The following IKZF3 variants were observed in gnomAD, a reference collection of about 807,000 sequenced individuals.
IKZF3 encodes IKAROS family zinc finger 3.
In IKZF3, 10 loss-of-function variants were observed where a neutral mutation model predicts 49.0. The ratio of observed to expected loss-of-function variants is 0.20; its 90% CI spans 0.13 to 0.35. The LOEUF (loss-of-function observed/expected upper bound fraction) is 0.35. IKZF3 is among the 10% of genes least tolerant of loss of function. IKZF3 has a pLI of 1.00. For missense variants in IKZF3, 498 were observed against 664.8 expected (o/e 0.75, Z 2.76); for synonymous variants, 209 against 228.2 (o/e 0.92, Z 0.76).
intron 1 of IKZF3, chr17:39,835,064 G>A (rs755979946): frequency 9.5e-6 from 4 of 420,992 alleles, no homozygotes; most frequent in Admixed American, 5.8e-5. Context: ...AGCCAAAGGA[G>A]CTGGAGCCCC....
In IKZF3 at chr17:39,835,701, A is replaced by G. The variant is rs1377344484; in HGVS notation, c.8-3550T>C. ...AGATGTGTCCAAGATCTGGGACTGG[A>G]GCTCCCAGATCTCCTCTTCATACAG... On this transcript the variant is annotated intron_variant, in intron 1 of 7. Transcript: ENST00000346872. The G allele has an allele frequency of 2.1e-5, 10 of 477,666 alleles. No homozygotes were observed. In the Middle Eastern group the frequency reaches 2.1e-3, roughly 102 times the overall value. The allele number at this position is 477,666 out of a possible 1,614,324, so 29.6% of individuals were successfully genotyped here. A position where few individuals can be genotyped will look rare whatever the true frequency, so the allele number is the denominator to read the frequency against.
At position 39,758,341 on chromosome 17, in the gene IKZF3, A is replaced by T. The variant is rs767773895; in HGVS notation, c.*7449T>A. The stretch of plus-strand genomic sequence containing the variant: ...TGAACCCACAGAAGCAGGCCCACCA[A>T]AAAGGGCCTTGTCTGCTAGCCTGGA... On this transcript the variant is annotated 3_prime_UTR_variant, in exon 8 of 8. Coordinates refer to ENST00000346872, the MANE Select transcript of IKZF3 (RefSeq NM_012481.5). 1 of 152,168 alleles carries T rather than the reference A, an allele frequency of 6.6e-6. No homozygotes were observed. The highest frequency in any genetic ancestry group is 1.5e-5 in the Non-Finnish European group (1 of 68,030). 9.4% of individuals were successfully genotyped at this position (152,168 alleles called of 1,614,324 possible). A position where few individuals can be genotyped will look rare whatever the true frequency, so the allele number is the denominator to read the frequency against.
chr17:39,769,206 G>T (rs1421867023), intron 7 of IKZF3, among the ~76,000 whole-genome samples: 1 of 152,178 alleles, frequency 6.6e-6, no homozygotes, highest in Non-Finnish European at 1.5e-5. Context: ...CCACTGTAGG[G>T]TGTGAATCCG....
intron 3 of IKZF3, among the ~76,000 whole-genome samples, chr17:39,799,337 C>T (rs2061258748): frequency 6.6e-6 from 1 of 152,104 alleles, no homozygotes; most frequent in Non-Finnish European, 1.5e-5. Flanking sequence ...CATCCTATTG[C>T]CAGAATAATC....
chr17:39,778,165 GA>G (rs1341970219), intron 6 of IKZF3: 1 of 987,312 alleles, frequency 1.0e-6, no homozygotes, highest in African/African-American at 1.7e-5. Flanking sequence ...TAACAACTTT[GA>G]AAAAAAAGCA....
intron 3 of IKZF3, among the ~76,000 whole-genome samples, chr17:39,813,598 C>G (rs1398561009): frequency 6.6e-6 from 1 of 150,646 alleles, no homozygotes; most frequent in Non-Finnish European, 1.5e-5. Context: ...GAGCCGAGAT[C>G]GTGCCACTGC....
At chr17:39,793,394 T>C (rs2061079468) in intron 3 of IKZF3, among the ~76,000 whole-genome samples, 1 of 152,166 alleles carries the variant, frequency 6.6e-6, no homozygotes, top group African/African-American at 2.4e-5. Context: ...GCCATTAAGA[T>C]TAAGAGTTGA....
intron 3 of IKZF3, among the ~76,000 whole-genome samples, chr17:39,807,578 G>A (rs1369386172): frequency 9.0e-6 from 1 of 111,206 alleles, no homozygotes; most frequent in Non-Finnish European, 1.8e-5. Flanking sequence ...TTGTAGAGAC[G>A]GGGCCTCTAT....
intron 3 of IKZF3, among the ~76,000 whole-genome samples, chr17:39,816,529 G>A (rs1256267968): frequency 6.6e-6 from 1 of 152,158 alleles, no homozygotes; most frequent in Non-Finnish European, 1.5e-5. Context: ...ACCTTGCAAT[G>A]GCAGAGTTGA....
In IKZF3 at chr17:39,832,032, A is replaced by T. The variant is rs2062122856; in HGVS notation, c.61+66T>A. The T allele has an allele frequency of 6.7e-6, 8 of 1,200,848 alleles. No individual in the cohort carries two copies. In the South Asian group the frequency reaches 1.0e-4, roughly 16 times the overall value. 74.4% of individuals were successfully genotyped at this position (1,200,848 alleles called of 1,614,324 possible). The stretch of plus-strand genomic sequence containing the variant: ...TTTTTACTGCAACCAGAATAAGCAC[A>T]TTCCTCTCTCTTTGGTATTTTTTTT... On this transcript the variant is annotated intron_variant, in intron 2 of 7. Coordinates refer to ENST00000346872, the MANE Select transcript of IKZF3 (RefSeq NM_012481.5).
intron 3 of IKZF3, among the ~76,000 whole-genome samples, chr17:39,824,686 C>G (rs1245181865): frequency 6.7e-6 from 1 of 149,790 alleles, no homozygotes; most frequent in African/African-American, 2.4e-5. Flanking sequence ...CTCATAAGAT[C>G]TGATGGCTTT....
chr17:39,814,207 T>A (rs1721333117), intron 3 of IKZF3, among the ~76,000 whole-genome samples: 1 of 151,846 alleles, frequency 6.6e-6, no homozygotes, highest in African/African-American at 2.4e-5. Flanking sequence ...ATTAAAGTTC[T>A]TATCTTTGAT....
At chr17:39,830,620 G>A (rs71369792) in intron 2 of IKZF3, among the ~76,000 whole-genome samples, 8,818 of 152,210 alleles carry the variant, frequency 0.058, 400 homozygotes, top group African/African-American at 0.12. Context: ...TTCACATATA[G>A]GCATAGTAGC....
At chr17:39,816,895 G>T (rs1476224469) in intron 3 of IKZF3, among the ~76,000 whole-genome samples, 1 of 152,122 alleles carries the variant, frequency 6.6e-6, no homozygotes, top group Non-Finnish European at 1.5e-5. Flanking sequence ...TGTATTTTTA[G>T]TAGAGACGGG....
chr17:39,860,179 G>A (rs2063177596), intron 1 of IKZF3, among the ~76,000 whole-genome samples: 5 of 152,102 alleles, frequency 3.3e-5, no homozygotes, highest in Admixed American at 1.3e-4. Context: ...TGAGGCAGGA[G>A]GATCGTCTGA....
intron 3 of IKZF3, 123 bp from the exon 4 acceptor site, chr17:39,793,056 T>C (rs1434087268): frequency 2.1e-6 from 2 of 967,590 alleles, no homozygotes. Context: ...ACACTGTACA[T>C]CTACAAAACA....
intron 1 of IKZF3, among the ~76,000 whole-genome samples, chr17:39,863,241 T>G (rs2063264217): frequency 2.0e-5 from 3 of 152,152 alleles, no homozygotes; most frequent in Admixed American, 1.3e-4. Flanking sequence ...TTTTAACAAC[T>G]TTATATACTC....
chr17:39,854,622 G>A (rs1224370088), intron 1 of IKZF3, among the ~76,000 whole-genome samples: 2 of 152,210 alleles, frequency 1.3e-5, no homozygotes, highest in African/African-American at 4.8e-5. Context: ...GCTTCCTAAA[G>A]GAGATGGCAT....
intron 1 of IKZF3, among the ~76,000 whole-genome samples, chr17:39,855,042 T>A (rs1414333880): frequency 6.6e-6 from 1 of 152,136 alleles, no homozygotes. Flanking sequence ...AGGAAAAACA[T>A]GTAACGGTCT....
Sources: gnomAD v4.1 joint callset for allele counts (sites outside exome capture counted in the v4.1 genomes callset) on GRCh38, gnomAD v4.1.1 for gene constraint, MANE v1.5 for transcripts, NCBI Gene and HGNC (gene_info 2026-07-23, HGNC 2026-07-21) for gene names.